Variants in TAF3 observed in about 807,000 individuals in gnomAD.
TAF3 encodes TATA-box binding protein associated factor 3, also known as transcription initiation factor TFIID subunit 3.
Under a neutral mutation model 80.6 loss-of-function variants are expected in TAF3, and 7 were observed. That is an observed-to-expected ratio of 0.09 (90% CI 0.05 to 0.16). The LOEUF is 0.16. Ranked by LOEUF, TAF3 falls within the 10% of genes least tolerant of loss-of-function variation. The pLI is 1.00. For missense variants in TAF3, 921 were observed against 1,140.2 expected (o/e 0.81, Z 2.77); for synonymous variants, 444 against 446.1 (o/e 1.00, Z 0.06).
chr10:7,906,822 A>G (rs1837612191), intron 2 of TAF3, among the ~76,000 whole-genome samples: 1 of 150,642 alleles, frequency 6.6e-6, no homozygotes, highest in Admixed American at 6.6e-5. Flanking sequence ...GGCTCAACTG[A>G]TCCTCCTGCC....
chr10:7,819,027 C>A, intron 1 of TAF3, 152 bp downstream of exon 1: 1 of 775,686 alleles, frequency 1.3e-6, no homozygotes, highest in Non-Finnish European at 1.8e-6. Context: ...TGGGCTTCCA[C>A]TGCCGCTCCA....
chr10:7,950,959 C>T (rs915113348), intron 2 of TAF3, among the ~76,000 whole-genome samples: 1 of 152,218 alleles, frequency 6.6e-6, no homozygotes, highest in Admixed American at 6.5e-5. Context: ...TAAGCCTCTT[C>T]TAGGCATGAG....
chr10:7,869,598 T>C (rs1837246269), intron 2 of TAF3, among the ~76,000 whole-genome samples: 1 of 152,244 alleles, frequency 6.6e-6, no homozygotes, highest in Non-Finnish European at 1.5e-5. Flanking sequence ...ATCACACACA[T>C]CCATTTGCGT....
At chr10:7,862,062 A>G (rs925620929) in intron 2 of TAF3, among the ~76,000 whole-genome samples, 1 of 152,122 alleles carries the variant, frequency 6.6e-6, no homozygotes, top group Non-Finnish European at 1.5e-5. Flanking sequence ...TTTCTGCTAC[A>G]CATGCAGTTA....
Position 7,824,398 on chromosome 10 carries a change from T to C in TAF3, c.247T>C (p.Tyr83His), listed in dbSNP as rs767511734. Residue 83 changes from tyrosine (Y) to histidine (H), a missense_variant, in exon 2 of 7, where the codon TAT (tyrosine) becomes CAT (histidine). Physicochemically the swap from Tyr to His is moderately conservative, Grantham distance 83. Transcript: ENST00000344293. ...MGVSLHELED[Y>H]IHNIEPVTFP... is the part of the protein sequence containing the mutation. ...GGTTAGTCTACATGAACTAGAAGAC[T>C]ATATTCACAACATTGAGCCTGTCAC... 4 of 1,614,222 alleles carry C rather than the reference T, an allele frequency of 2.5e-6. No individual in the cohort carries two copies. In the South Asian group the frequency reaches 4.4e-5, roughly 18 times the overall value.
At chr10:8,002,415 A>G (rs941923392) in intron 4 of TAF3, among the ~76,000 whole-genome samples, 1 of 152,184 alleles carries the variant, frequency 6.6e-6, no homozygotes, top group Non-Finnish European at 1.5e-5. Context: ...TCATCTGGAA[A>G]ATTACTACTT....
chr10:7,994,957 A>G (rs1166600319), intron 4 of TAF3, among the ~76,000 whole-genome samples: 2 of 149,780 alleles, frequency 1.3e-5, no homozygotes, highest in African/African-American at 2.5e-5. Context: ...GCGACAGAGC[A>G]AGACTCCGTC....
rs1832101252 is a variant in TAF3 at position 8,016,050 on chromosome 10, TTA to T, written c.*1303_*1304del. ...ATATTATTATACTGCCCACTATTTA[TTA>T]TATGTTATAGATGTCTGAGAGGTAA... On this transcript the variant is annotated 3_prime_UTR_variant, in exon 7 of 7. Coordinates refer to ENST00000344293, the MANE Select transcript of TAF3 (RefSeq NM_031923.4). 1 of 152,202 alleles carries T rather than the reference TTA, an allele frequency of 6.6e-6. No individual in the cohort carries two copies. The highest frequency in any genetic ancestry group is 1.5e-5 in the Non-Finnish European group (1 of 68,038). 9.4% of individuals were successfully genotyped at this position (152,202 alleles called of 1,614,324 possible). A position where few individuals can be genotyped will look rare whatever the true frequency, so the allele number is the denominator to read the frequency against.
rs75612161 is a variant in TAF3 at position 7,991,097 on chromosome 10, G to A, written c.2315+13774G>A. 4.6e-3 allele frequency among the ~76,000 whole-genome samples: 699 copies of A among 152,186 alleles called. 6 individuals carry two copies. The highest frequency in any genetic ancestry group is 0.028 in the East Asian group (144 of 5,182). On this transcript the variant is annotated intron_variant, in intron 4 of 6. Transcript: ENST00000344293. ...GATCTTTCATGTGAATCTGAAGTCA[G>A]TGTAATAATTTCAGTCGTCTCGTCT...
At chr10:7,858,085 A>G (rs1163951671) in intron 2 of TAF3, among the ~76,000 whole-genome samples, 1 of 152,110 alleles carries the variant, frequency 6.6e-6, no homozygotes, top group Non-Finnish European at 1.5e-5. Flanking sequence ...CTGTTTTGTT[A>G]CAAATAGGGA....
intron 2 of TAF3, among the ~76,000 whole-genome samples, chr10:7,847,801 T>C (rs772808015): frequency 1.3e-5 from 2 of 151,952 alleles, no homozygotes; most frequent in Non-Finnish European, 1.5e-5. Context: ...AGAGTTTCGC[T>C]CTGTCTTCCA....
At chr10:7,863,583 C>T (rs1837170021) in intron 2 of TAF3, among the ~76,000 whole-genome samples, 1 of 131,454 alleles carries the variant, frequency 7.6e-6, no homozygotes, top group African/African-American at 2.9e-5. Flanking sequence ...GCACTCCAGC[C>T]TGATGACCAG....
chr10:7,903,026 G>T (rs1378148539), intron 2 of TAF3, among the ~76,000 whole-genome samples: 2 of 152,072 alleles, frequency 1.3e-5, no homozygotes, highest in South Asian at 2.1e-4. Context: ...TTTGAAACCA[G>T]CCTGGACAAC....
At chr10:7,939,679 C>T (rs762171711) in intron 2 of TAF3, among the ~76,000 whole-genome samples, 1 of 151,252 alleles carries the variant, frequency 6.6e-6, no homozygotes, top group African/African-American at 2.4e-5. Flanking sequence ...AACCAGCTGT[C>T]AAAGAGCCAG....
chr10:7,839,264 A>G (rs1588518962), intron 2 of TAF3, among the ~76,000 whole-genome samples: 1 of 152,022 alleles, frequency 6.6e-6, no homozygotes, highest in Non-Finnish European at 1.5e-5. Context: ...TATCTCTACC[A>G]TCATACTTCA....
chr10:8,013,117 C>G (rs1336214244), intron 5 of TAF3, among the ~76,000 whole-genome samples: 2 of 152,142 alleles, frequency 1.3e-5, no homozygotes, highest in Non-Finnish European at 2.9e-5. Context: ...CTCCCTATCC[C>G]CTTATTTCAT....
intron 2 of TAF3, among the ~76,000 whole-genome samples, chr10:7,852,465 G>A (rs996012666): frequency 2.6e-4 from 40 of 152,052 alleles, no homozygotes; most frequent in African/African-American, 7.7e-4. Context: ...CAGAAACTGC[G>A]TTGTTTGTCC....
chr10:7,858,565 A>G (rs1837106561), intron 2 of TAF3, among the ~76,000 whole-genome samples: 2 of 152,212 alleles, frequency 1.3e-5, no homozygotes, highest in Non-Finnish European at 2.9e-5. Context: ...GCAAGTTCGT[A>G]TCTGTGTCAT....
chr10:7,836,293 CT>C (rs34253534), intron 2 of TAF3, among the ~76,000 whole-genome samples: 127,070 of 132,618 alleles, frequency 0.96, 60,919 homozygotes, highest in East Asian at 0.99. Flanking sequence ...TTTTTTCTTT[CT>C]TTTTTTTTTT....
Sources: gnomAD v4.1 joint callset for allele counts (sites outside exome capture counted in the v4.1 genomes callset) on GRCh38, gnomAD v4.1.1 for gene constraint, MANE v1.5 for transcripts, NCBI Gene and HGNC (gene_info 2026-07-23, HGNC 2026-07-21) for gene names.